The following CMSS1 variants were observed in gnomAD, a reference collection of about 807,000 sequenced individuals.
CMSS1 encodes cms1 ribosomal small subunit homolog.
In CMSS1, 33 loss-of-function variants were observed where a neutral mutation model predicts 43.5. The ratio of observed to expected loss-of-function variants is 0.76; its 90% CI spans 0.57 to 1.01. The LOEUF is 1.01. CMSS1 is among the 50% of genes least tolerant of loss of function. The pLI, the probability that CMSS1 is intolerant of heterozygous loss-of-function variation, is 0.00. For missense variants in CMSS1, 313 were observed against 326.4 expected (o/e 0.96, Z 0.32); for synonymous variants, 115 against 117.2 (o/e 0.98, Z 0.12).
chr3:100,163,924 T>C (rs1317988626), intron 4 of CMSS1, among the ~76,000 whole-genome samples: 1 of 152,222 alleles, frequency 6.6e-6, no homozygotes, highest in Non-Finnish European at 1.5e-5. Flanking sequence ...TTATGCTTTC[T>C]AGAAGCTTGA....
At chr3:100,081,925 A>G (rs1292866346) in intron 1 of CMSS1, among the ~76,000 whole-genome samples, 2 of 152,156 alleles carry the variant, frequency 1.3e-5, no homozygotes, top group Non-Finnish European at 2.9e-5. Flanking sequence ...AGACACTGTC[A>G]GATGTCTTCC....
chr3:100,078,739 A>C (rs1393602222), intron 1 of CMSS1, among the ~76,000 whole-genome samples: 3 of 152,058 alleles, frequency 2.0e-5, no homozygotes, highest in East Asian at 3.9e-4. Flanking sequence ...AAAAATACAA[A>C]AATTAGCCGA....
chr3:100,031,751 T>C (rs549225133), intron 1 of CMSS1, among the ~76,000 whole-genome samples: 1 of 152,286 alleles, frequency 6.6e-6, no homozygotes, highest in African/African-American at 2.4e-5. Context: ...TACGTTTATT[T>C]GCCTCACTTT....
chr3:99,825,796 A>C (rs1234920234), intron 1 of CMSS1, among the ~76,000 whole-genome samples: 1 of 60,422 alleles, frequency 1.7e-5, no homozygotes, highest in East Asian at 3.9e-4. Context: ...TTTTTTTTTG[A>C]GACAGAGTTT....
chr3:100,167,377 G>A (rs1397234286), intron 5 of CMSS1, among the ~76,000 whole-genome samples: 3 of 152,178 alleles, frequency 2.0e-5, no homozygotes, highest in Non-Finnish European at 2.9e-5. Flanking sequence ...TATGTTGAAT[G>A]TCCCTTTAAA....
intron 1 of CMSS1, among the ~76,000 whole-genome samples, chr3:99,838,712 A>G (rs371588509): frequency 1.4e-4 from 22 of 152,352 alleles, no homozygotes; most frequent in African/African-American, 5.0e-4. Flanking sequence ...GTTTTGTGAC[A>G]TACTAACAGA....
At chr3:99,938,099 A>T (rs1707746232) in intron 1 of CMSS1, among the ~76,000 whole-genome samples, 1 of 152,006 alleles carries the variant, frequency 6.6e-6, no homozygotes, top group Admixed American at 6.5e-5. Context: ...GCGTGCATGC[A>T]CACTCGTGCT....
At chr3:99,963,126 G>A (rs1708542893) in intron 1 of CMSS1, among the ~76,000 whole-genome samples, 1 of 152,120 alleles carries the variant, frequency 6.6e-6, no homozygotes, top group African/African-American at 2.4e-5. Flanking sequence ...AAAATAATTA[G>A]GATAACAGTG....
chr3:99,934,761 A>G (rs1707605757), intron 1 of CMSS1, among the ~76,000 whole-genome samples: 1 of 152,238 alleles, frequency 6.6e-6, no homozygotes, highest in Non-Finnish European at 1.5e-5. Context: ...GAAATCTGGT[A>G]GGAGAACATA....
chr3:99,860,713 C>G (rs1047691650), intron 1 of CMSS1, among the ~76,000 whole-genome samples: 1 of 152,116 alleles, frequency 6.6e-6, no homozygotes, highest in African/African-American at 2.4e-5. Context: ...CAGGCTAGAC[C>G]TGGAAGAAGA....
At chr3:100,170,785 G>T (rs1003285721) in intron 6 of CMSS1, among the ~76,000 whole-genome samples, 1 of 152,174 alleles carries the variant, frequency 6.6e-6, no homozygotes, top group Non-Finnish European at 1.5e-5. Context: ...GGTCTGGATT[G>T]TTGTAGATAG....
intron 1 of CMSS1, among the ~76,000 whole-genome samples, chr3:100,120,090 CT>C (rs2066607376): frequency 6.6e-6 from 1 of 152,204 alleles, no homozygotes; most frequent in African/African-American, 2.4e-5. Context: ...TTCTTGACCT[CT>C]GAAAATTGTT....
At chr3:100,048,607 T>C (rs1432813829) in intron 1 of CMSS1, among the ~76,000 whole-genome samples, 1 of 152,180 alleles carries the variant, frequency 6.6e-6, no homozygotes, top group African/African-American at 2.4e-5. Flanking sequence ...AGGTGATTCT[T>C]GCACCACTTT....
At chr3:99,910,541 C>G (rs1164973140) in intron 1 of CMSS1, among the ~76,000 whole-genome samples, 1 of 136,654 alleles carries the variant, frequency 7.3e-6, no homozygotes, top group Non-Finnish European at 1.7e-5. Context: ...TTGTTATATC[C>G]AGTACCCCTT....
intron 1 of CMSS1, among the ~76,000 whole-genome samples, chr3:100,029,201 T>C (rs1463016037): frequency 1.3e-5 from 2 of 151,872 alleles, no homozygotes; most frequent in East Asian, 3.8e-4. Flanking sequence ...TTTTCAGATT[T>C]ATTTGTCTAA....
Position 99,909,548 on chromosome 3 carries a change from T to C in CMSS1, c.64+91505T>C, listed in dbSNP as rs114702587. On this transcript the variant is annotated intron_variant, in intron 1 of 9. Transcript: ENST00000421999. ...ATAATCATTCATGGCAAGGGCAAGA[T>C]TTCTTTTAGGTGAAGCAGAAACTCT... Among the ~76,000 whole-genome samples the C allele has an allele frequency of 4.3e-3, 654 of 152,268 alleles. 3 individuals are homozygous for C. Among genetic ancestry groups the C allele is most frequent in the Non-Finnish European group, 7.7e-3 (523 of 68,010 alleles).
intron 1 of CMSS1, among the ~76,000 whole-genome samples, chr3:100,001,547 T>C (rs140433656): frequency 2.6e-3 from 401 of 152,302 alleles, no homozygotes; most frequent in African/African-American, 8.5e-3. Context: ...TCTATCTGAT[T>C]GCTTTTCGTA....
chr3:99,833,336 C>G, intron 1 of CMSS1: 2 of 1,286,330 alleles, frequency 1.6e-6, no homozygotes, highest in Non-Finnish European at 2.2e-6. Context: ...TTGTTTTATC[C>G]ATAGATTCTC....
At chr3:100,004,774 A>G (rs1352614517) in intron 1 of CMSS1, among the ~76,000 whole-genome samples, 3 of 152,244 alleles carry the variant, frequency 2.0e-5, no homozygotes, top group Non-Finnish European at 4.4e-5. Context: ...TAATGTCATC[A>G]AAATGAATTC....
Sources: allele counts gnomAD v4.1 joint callset (sites outside exome capture counted in the v4.1 genomes callset), GRCh38; gene constraint gnomAD v4.1.1; transcripts MANE v1.5; gene names NCBI Gene and HGNC (gene_info 2026-07-23, HGNC 2026-07-21).